Variants in TEX15 observed in about 807,000 individuals in gnomAD.
TEX15 encodes the protein testis-expressed protein 15.
Under a neutral mutation model 237.3 loss-of-function variants are expected in TEX15, and 171 were observed. The ratio of observed to expected loss-of-function variants is 0.72; its 90% CI spans 0.64 to 0.82. TEX15 has a LOEUF of 0.82. TEX15 is among the 40% of genes least tolerant of loss of function. TEX15 has a pLI of 0.00. For synonymous variants in TEX15, 1,338 were observed against 1,269.8 expected, an observed-to-expected ratio of 1.05 and a Z score of -1.14; for missense variants, 3,750 against 3,646.5, an observed-to-expected ratio of 1.03 and a Z score of -0.73.
intron 2 of TEX15, among the ~76,000 whole-genome samples, chr8:30,889,499 T>C (rs1808737907): frequency 1.3e-5 from 2 of 152,138 alleles, no homozygotes; most frequent in Admixed American, 6.6e-5. Context: ...ATTTCAGCTA[T>C]AGGGTTTCTC....
intron 1 of TEX15, among the ~76,000 whole-genome samples, chr8:30,904,877 G>A (rs1197236987): frequency 1.3e-5 from 2 of 152,056 alleles, no homozygotes; most frequent in East Asian, 1.9e-4. Flanking sequence ...ACTTGATAAG[G>A]TTAAAACAAG....
At chr8:30,894,434 T>C (rs1334444617) in intron 2 of TEX15, among the ~76,000 whole-genome samples, 1 of 152,224 alleles carries the variant, frequency 6.6e-6, no homozygotes, top group African/African-American at 2.4e-5. Context: ...TCCAGTATGA[T>C]TGATATATAT....
rs1057483839 is a variant in TEX15, at chr8:30,884,817, T to C, written c.136+2350A>G. On this transcript the variant is annotated intron_variant, in intron 3 of 10. Coordinates refer to ENST00000643185, the MANE Select transcript of TEX15 (RefSeq NM_001350162.2). The stretch of plus-strand genomic sequence containing the variant: ...GATTTTTTTCTATTAATTTCCTGTT[T>C]TTAATTTCATTCATTTCTGCTCTAA... 3.9e-5 allele frequency among the ~76,000 whole-genome samples: 6 copies of C among 152,134 alleles called. No individual in the cohort carries two copies. The East Asian group carries it at 9.6e-4, about 24-fold the overall frequency.
Position 30,842,130 on chromosome 8 carries a change from T to C in TEX15, c.8037A>G (p.Pro2679=). 2.5e-6 allele frequency: 4 copies of C among 1,613,494 alleles called. No individual in the cohort carries two copies. Among genetic ancestry groups the C allele is most frequent in the African/African-American group, 1.3e-5 (1 of 75,020 alleles). The change falls in exon 8 of 11, where the codon CCA becomes CCG. Residue 2679 remains proline (P), a synonymous_variant. Coordinates refer to ENST00000643185, the MANE Select transcript of TEX15 (RefSeq NM_001350162.2). ...NKFSISTMLP[P]VSECINKNIS... ...TGTTTTTGTTTATGCACTCTGATACTGGGGGCAACATCGTAGAAATACTAA... is the reference window on the plus strand; with the variant it reads ...TGTTTTTGTTTATGCACTCTGATACCGGGGGCAACATCGTAGAAATACTAA...
intron 3 of TEX15, among the ~76,000 whole-genome samples, chr8:30,878,035 C>T (rs1307692282): frequency 6.7e-6 from 1 of 148,770 alleles, no homozygotes; most frequent in East Asian, 2.0e-4. Context: ...CGTATGCATA[C>T]TTTTGTCATT....
intron 8 of TEX15, 65 bp downstream of exon 8, chr8:30,841,939 T>C (rs997300799): frequency 1.2e-5 from 14 of 1,168,718 alleles, no homozygotes; most frequent in Non-Finnish European, 1.7e-5. Context: ...ACTACTTGTT[T>C]GCTTATGAGT....
chr8:30,858,857 G>A, intron 6 of TEX15, 27 bp from the exon 7 acceptor site: 1 of 1,462,634 alleles, frequency 6.8e-7, no homozygotes, highest in Non-Finnish European at 9.0e-7. Flanking sequence ...GGTTCATGCT[G>A]ATTAATTTTG....
At chr8:30,872,049 A>G (rs1027649701) in intron 4 of TEX15, among the ~76,000 whole-genome samples, 1 of 152,162 alleles carries the variant, frequency 6.6e-6, no homozygotes, top group Non-Finnish European at 1.5e-5. Context: ...TAACTATAGC[A>G]GGAGATCTTG....
intron 2 of TEX15, among the ~76,000 whole-genome samples, chr8:30,889,938 T>TATATATACAC (rs1554502292): frequency 1.8e-4 from 23 of 128,108 alleles, no homozygotes; most frequent in African/African-American, 7.8e-4. Context: ...TATATACATA[T>TATATATACAC]ATATATATAT....
chr8:30,905,840 G>C (rs1809094163), intron 1 of TEX15, among the ~76,000 whole-genome samples: 1 of 150,752 alleles, frequency 6.6e-6, no homozygotes, highest in South Asian at 2.1e-4. Context: ...GAAGGTGGCT[G>C]TTGCAATGAG....
Position 30,845,814 on chromosome 8 carries a change from TTTTC to T in TEX15, c.4349_4352del (p.Arg1450AsnfsTer19), listed in dbSNP as rs771957005. 2.5e-6 allele frequency: 4 copies of T among 1,608,944 alleles called. No homozygotes were observed. In the African/African-American group the frequency reaches 4.0e-5, roughly 16 times the overall value. The stretch of plus-strand genomic sequence containing the variant: ...CTCTTTTCTTTCTCCGTTTGTCATA[TTTTC>T]TTTTTGACGAAAAATGCTTAGTAGA... On this transcript the variant is annotated frameshift_variant, in exon 8 of 11. Coordinates refer to ENST00000643185, the MANE Select transcript of TEX15 (RefSeq NM_001350162.2). LOFTEE classifies it high-confidence loss of function.
At chr8:30,839,803 T>G (rs1807400546) in intron 9 of TEX15, 103 bp downstream of exon 9, 2 of 650,684 alleles carry the variant, frequency 3.1e-6, no homozygotes, top group Non-Finnish European at 5.1e-6. Flanking sequence ...GTTACATGTA[T>G]GATCCAATGA....
chr8:30,857,729 T>C (rs1563251420), intron 7 of TEX15, among the ~76,000 whole-genome samples: 2 of 152,188 alleles, frequency 1.3e-5, no homozygotes, highest in African/African-American at 2.4e-5. Context: ...CTGTACCTAC[T>C]AGTGTAGCAA....
chr8:30,852,078 G>T (rs1489652299), intron 7 of TEX15, among the ~76,000 whole-genome samples: 1 of 146,822 alleles, frequency 6.8e-6, no homozygotes, highest in African/African-American at 2.6e-5. Flanking sequence ...TGTTTTAAGT[G>T]CCTTATGTAC....
rs1292722426 is a variant in TEX15, at chr8:30,842,800, T to C, written c.7367A>G (p.His2456Arg). The C allele has an allele frequency of 6.8e-6, 11 of 1,613,282 alleles. No individual in the cohort carries two copies. Among genetic ancestry groups the C allele is most frequent in the African/African-American group, 1.3e-5 (1 of 74,916 alleles). The change falls in exon 8 of 11, where the codon CAC (histidine) becomes CGC (arginine). Residue 2456 changes from histidine (H) to arginine (R), a missense_variant. Transcript: ENST00000643185. Reference sequence around the variant, plus strand: ...CTTTGCTATTGAGTTTTTAAGAAAGTGAATTGTTTCTGAGACCATGACGAT... The same window carrying C: ...CTTTGCTATTGAGTTTTTAAGAAAGCGAATTGTTTCTGAGACCATGACGAT... ...IEIVMVSETIHFLKNSIAKKL... is the reference protein window; with the variant it reads ...IEIVMVSETIRFLKNSIAKKL...
intron 1 of TEX15, among the ~76,000 whole-genome samples, chr8:30,910,610 CTTTTTTTTTTT>C (rs796129316): frequency 4.1e-5 from 4 of 97,910 alleles, no homozygotes; most frequent in African/African-American, 4.7e-5. Context: ...CACGCCTGGC[CTTTTTTTTTTT>C]TTTTTTTTTT....
intron 3 of TEX15, among the ~76,000 whole-genome samples, chr8:30,875,503 T>A (rs973281077): frequency 1.3e-5 from 2 of 152,224 alleles, no homozygotes; most frequent in African/African-American, 4.8e-5. Context: ...TGGGTTATTT[T>A]GATTTGCAAA....
intron 5 of TEX15, among the ~76,000 whole-genome samples, chr8:30,864,837 T>C (rs998513780): frequency 2.4e-4 from 37 of 152,020 alleles, no homozygotes; most frequent in Admixed American, 2.4e-3. Flanking sequence ...TTATCAAAAA[T>C]TCAAAATGTG....
At position 30,867,333 on chromosome 8, in the gene TEX15, G is replaced by A; in HGVS notation, c.472C>T (p.His158Tyr). Residue 158 changes from histidine (H) to tyrosine (Y), a missense_variant, in exon 5 of 11, where the codon CAT becomes TAT. By Grantham distance (83) the His-to-Tyr change is moderately conservative. Transcript: ENST00000643185. Reference sequence around the variant, plus strand: ...GAATAATTCAAGGCAATATCAACATGTCTAAACATATAAATTCCAAGAAGA... The same window carrying A: ...GAATAATTCAAGGCAATATCAACATATCTAAACATATAAATTCCAAGAAGA... ...NPLLGIYMFR[H>Y]VDIALNYSHS... 1.3e-6 allele frequency: 2 copies of A among 1,525,800 alleles called. No individual in the cohort carries two copies. The highest frequency in any genetic ancestry group is 1.8e-6 in the Non-Finnish European group (2 of 1,137,810). The allele number at this position is 1,525,800 out of a possible 1,614,324, so 94.5% of individuals were successfully genotyped here.
Sources: allele counts gnomAD v4.1 joint callset (sites outside exome capture counted in the v4.1 genomes callset), GRCh38; gene constraint gnomAD v4.1.1; transcripts MANE v1.5; gene names NCBI Gene and HGNC (gene_info 2026-07-23, HGNC 2026-07-21).